The following BLZF1 variants were observed in gnomAD, a reference collection of about 807,000 sequenced individuals.
BLZF1 encodes the protein golgin-45.
BLZF1 carries 39 observed loss-of-function variants against 43.8 expected under a neutral mutation model. The observed-to-expected ratio is 0.89, with a 90% confidence interval of 0.69 to 1.16. The LOEUF (loss-of-function observed/expected upper bound fraction) is 1.16. Among genes scored for constraint, BLZF1 ranks in the 50% most tolerant of loss-of-function variants. The probability of loss-of-function intolerance (pLI) is 0.00; values close to 1 mark genes in which losing one functional copy is unlikely to be tolerated. For synonymous variants in BLZF1, 136 were observed against 159.4 expected, an observed-to-expected ratio of 0.85 and a Z score of 1.11; for missense variants, 449 against 469.8, an observed-to-expected ratio of 0.96 and a Z score of 0.41.
At chr1:169,390,547 T>C (rs1307932041), downstream of BLZF1, among the ~76,000 whole-genome samples, 3 of 152,172 alleles carry the variant, frequency 2.0e-5, no homozygotes, top group South Asian at 2.1e-4. Flanking sequence ...CTAGGTAAAC[T>C]AGTTTACAGA....
chr1:169,372,176 T>C (rs1336363181), intron 2 of BLZF1, among the ~76,000 whole-genome samples: 1 of 152,052 alleles, frequency 6.6e-6, no homozygotes, highest in African/African-American at 2.4e-5. Flanking sequence ...AATTTAATAA[T>C]AACTAAACTT....
intron 4 of BLZF1, among the ~76,000 whole-genome samples, chr1:169,379,374 GTCTTTTGTTTA>G (rs1462637939): frequency 6.6e-6 from 1 of 151,868 alleles, no homozygotes; most frequent in East Asian, 1.9e-4. Context: ...CTCTTTAACA[GTCTTTTGTTTA>G]TCTCCTAATT....
intron 2 of BLZF1, among the ~76,000 whole-genome samples, chr1:169,370,309 G>T (rs953828946): frequency 3.9e-4 from 59 of 152,168 alleles, no homozygotes; most frequent in African/African-American, 1.2e-3. Context: ...CTGAGGTAGT[G>T]GGGGGTTAGT....
chr1:169,381,832 A>G (rs1571441386), intron 5 of BLZF1, among the ~76,000 whole-genome samples: 1 of 152,172 alleles, frequency 6.6e-6, no homozygotes, highest in East Asian at 1.9e-4. Context: ...GAACAAAGAA[A>G]AGTACTGTTT....
intron 5 of BLZF1, among the ~76,000 whole-genome samples, chr1:169,381,488 T>C (rs6669901): frequency 0.67 from 101,615 of 151,960 alleles, 34,205 homozygotes; most frequent in East Asian, 0.93. Context: ...ACCAAACTTA[T>C]AAAAATTATT....
At position 169,387,830 on chromosome 1, in the gene BLZF1, G is replaced by A. The variant is rs1282832123; in HGVS notation, c.*648G>A. 6.6e-6 allele frequency: 1 copy of A among 152,114 alleles called. No individual in the cohort carries two copies. Among genetic ancestry groups the A allele is most frequent in the Admixed American group, 6.5e-5 (1 of 15,274 alleles). 9.4% of individuals were successfully genotyped at this position (152,114 alleles called of 1,614,324 possible). On this transcript the variant is annotated 3_prime_UTR_variant, in exon 7 of 7. Coordinates refer to ENST00000367808, the MANE Select transcript of BLZF1 (RefSeq NM_001320973.2). The stretch of plus-strand genomic sequence containing the variant: ...TATTAGGAAAATAAAAAATATTTTA[G>A]AGCCAAGTTAACAAGTACTTCAGCA...
chr1:169,373,091 A>T (rs1441521006), intron 2 of BLZF1, among the ~76,000 whole-genome samples: 1 of 152,162 alleles, frequency 6.6e-6, no homozygotes, highest in Non-Finnish European at 1.5e-5. Context: ...AAAGCCTAAA[A>T]TATTTACTCT....
At chr1:169,373,417 G>A (rs761025426) in intron 2 of BLZF1, among the ~76,000 whole-genome samples, 40 of 152,086 alleles carry the variant, frequency 2.6e-4, no homozygotes, top group Non-Finnish European at 4.0e-4. Context: ...GTAATTATTC[G>A]TAAATGTGTC....
intron 2 of BLZF1, among the ~76,000 whole-genome samples, chr1:169,373,424 T>C (rs1654191156): frequency 6.6e-6 from 1 of 152,174 alleles, no homozygotes; most frequent in African/African-American, 2.4e-5. Context: ...TTCGTAAATG[T>C]GTCCTGGATT....
chr1:169,382,017 T>G, intron 5 of BLZF1, 45 bp from the exon 6 acceptor site: 1 of 1,407,704 alleles, frequency 7.1e-7, no homozygotes, highest in South Asian at 1.3e-5. Flanking sequence ...AATTTTTACA[T>G]TTTGCTCTCT....
chr1:169,370,040 G>T (rs187339164), intron 2 of BLZF1, among the ~76,000 whole-genome samples: 3 of 152,278 alleles, frequency 2.0e-5, no homozygotes, highest in Non-Finnish European at 2.9e-5. Flanking sequence ...GTGCTCCTTC[G>T]GAAGGCATTA....
intron 2 of BLZF1, among the ~76,000 whole-genome samples, chr1:169,370,112 CG>C (rs1382482167): frequency 6.6e-6 from 1 of 152,214 alleles, no homozygotes; most frequent in African/African-American, 2.4e-5. Context: ...GTCTTGTAGA[CG>C]TACCACCCTT....
chr1:169,393,477 CTACTCAGCA>C (rs1047383098), intron 7 of BLZF1, among the ~76,000 whole-genome samples: 2 of 151,362 alleles, frequency 1.3e-5, no homozygotes, highest in African/African-American at 4.8e-5. Flanking sequence ...GTAATCCCAG[CTACTCAGCA>C]GGCTGAGGCA....
downstream of BLZF1, among the ~76,000 whole-genome samples, chr1:169,390,291 TA>T (rs201660545): frequency 5.5e-3 from 825 of 150,908 alleles, 2 homozygotes; most frequent in South Asian, 9.6e-3. Flanking sequence ...CTTAAGGAAA[TA>T]AAAAAAGAAC....
At chr1:169,389,883 CCTA>C (rs1654776591), downstream of BLZF1, among the ~76,000 whole-genome samples, 1 of 152,030 alleles carries the variant, frequency 6.6e-6, no homozygotes, top group South Asian at 2.1e-4. Flanking sequence ...TATATGAGTT[CCTA>C]GAAGAGACAA....
intron 2 of BLZF1, among the ~76,000 whole-genome samples, chr1:169,375,424 A>G (rs1450202175): frequency 7.9e-6 from 1 of 126,892 alleles, no homozygotes; most frequent in Non-Finnish European, 1.7e-5. Context: ...ATATATATAT[A>G]TATATATGGT....
At chr1:169,382,312 C>T (rs1654550945) in intron 6 of BLZF1, 31 bp downstream of exon 6, 6 of 1,565,528 alleles carry the variant, frequency 3.8e-6, no homozygotes, top group Non-Finnish European at 5.3e-6. Context: ...ATCTATGGAA[C>T]TTCTAACACT....
At chr1:169,374,084 AG>A (rs1450049073) in intron 2 of BLZF1, among the ~76,000 whole-genome samples, 14 of 152,126 alleles carry the variant, frequency 9.2e-5, no homozygotes, top group Non-Finnish European at 4.4e-5. Flanking sequence ...GAATACAGGT[AG>A]CTGGGTGTGA....
At chr1:169,374,203 A>C (rs78200288) in intron 2 of BLZF1, among the ~76,000 whole-genome samples, 2 of 133,858 alleles carry the variant, frequency 1.5e-5, no homozygotes, top group Non-Finnish European at 3.1e-5. Context: ...CTGTCTCTAC[A>C]AAAAAAAAAA....
Sources: allele counts gnomAD v4.1 joint callset (sites outside exome capture counted in the v4.1 genomes callset), GRCh38; gene constraint gnomAD v4.1.1; transcripts MANE v1.5; gene names NCBI Gene and HGNC (gene_info 2026-07-23, HGNC 2026-07-21).